VWF: variants seen among roughly 807,000 people sequenced by gnomAD.
The protein encoded by VWF is von Willebrand factor.
In VWF, 176 loss-of-function variants were observed where a neutral mutation model predicts 308.6. The observed-to-expected ratio is 0.57, with a 90% CI of 0.50 to 0.65. The LOEUF (loss-of-function observed/expected upper bound fraction) is 0.65. VWF is among the 30% of genes least tolerant of loss of function. VWF has a pLI of 0.00. For synonymous variants in VWF, 1,385 were observed against 1,443.4 expected (o/e 0.96, Z 0.92); for missense variants, 3,146 against 3,648.2 (o/e 0.86, Z 3.55).
chr12:5,949,758 C>A, intron 51 of VWF, 28 bp downstream of exon 51: 1 of 1,609,570 alleles, frequency 6.2e-7, no homozygotes, highest in Non-Finnish European at 8.5e-7. Context: ...CCCTCCACAC[C>A]CAGCCCTTAT....
At chr12:6,084,976 T>C (rs1446163698) in intron 6 of VWF, among the ~76,000 whole-genome samples, 1 of 152,200 alleles carries the variant, frequency 6.6e-6, no homozygotes, top group East Asian at 1.9e-4. Context: ...AACCTGTTGA[T>C]AGATTTCCAC....
At chr12:6,112,582 A>G (rs1392550820) in intron 3 of VWF, among the ~76,000 whole-genome samples, 1 of 152,184 alleles carries the variant, frequency 6.6e-6, no homozygotes, top group Non-Finnish European at 1.5e-5. Context: ...CTTAAAAATG[A>G]GCAAATCTCT....
chr12:6,031,662 G>A, intron 20 of VWF, 84 bp from the exon 21 acceptor site: 2 of 1,603,754 alleles, frequency 1.2e-6, no homozygotes, highest in Non-Finnish European at 1.7e-6. Flanking sequence ...TTCATCACAG[G>A]CCTTTGAGTA....
intron 5 of VWF, among the ~76,000 whole-genome samples, chr12:6,106,806 C>T (rs546123830): frequency 2.3e-5 from 3 of 130,042 alleles, no homozygotes; most frequent in South Asian, 5.2e-4. Context: ...GCCCGGGAGG[C>T]GGAGGTTGGA....
intron 10 of VWF, among the ~76,000 whole-genome samples, chr12:6,067,013 G>A (rs913601562): frequency 3.3e-5 from 5 of 152,204 alleles, no homozygotes; most frequent in African/African-American, 1.2e-4. Flanking sequence ...CAGCCCAGAG[G>A]AAATTAGGAG....
At chr12:5,998,240 T>C (rs1400134622) in intron 34 of VWF, among the ~76,000 whole-genome samples, 1 of 151,718 alleles carries the variant, frequency 6.6e-6, no homozygotes, top group African/African-American at 2.4e-5. Context: ...GGCTCATACC[T>C]GTAATCTCAG....
Position 6,121,273 on chromosome 12 carries a change from C to G in VWF, c.121G>C (p.Asp41His). 6.2e-7 allele frequency: 1 copy of G among 1,614,250 alleles called. No homozygotes were observed. The highest frequency in any genetic ancestry group is 1.1e-5 in the South Asian group (1 of 91,080). ...STARCSLFGS[D>H]FVNTFDGSMY... ...CTCCCATCAAAGGTGTTGACGAAGT[C>G]ACTTCCGAAAAGGCTGCATCGGGCC... The change falls in exon 3 of 52, where the codon GAC becomes CAC. Residue 41 changes from aspartate (D) to histidine (H), a missense_variant. Physicochemically the swap from Asp to His is moderately conservative, Grantham distance 81. This residue lies in a region of VWF where 1,304 missense variants were observed against 1,353.0 expected (regional missense o/e 0.96). Coordinates refer to ENST00000261405, the MANE Select transcript of VWF (RefSeq NM_000552.5).
chr12:5,961,498 G>A (rs1245540941), intron 47 of VWF, among the ~76,000 whole-genome samples: 2 of 149,490 alleles, frequency 1.3e-5, no homozygotes, highest in African/African-American at 4.9e-5. Context: ...AAAACAGAAT[G>A]TATAAAGATT....
intron 34 of VWF, among the ~76,000 whole-genome samples, chr12:6,003,918 C>A (rs1264390011): frequency 6.6e-6 from 1 of 151,162 alleles, no homozygotes; most frequent in East Asian, 1.9e-4. Context: ...CGGGTTCACG[C>A]CATTCTCCTG....
chr12:6,044,562 T>G, intron 17 of VWF, 111 bp from the exon 18 acceptor site: 1 of 1,397,330 alleles, frequency 7.2e-7, no homozygotes, highest in Non-Finnish European at 9.8e-7. Flanking sequence ...AGACTCAGAG[T>G]TGCCCACTCA....
At chr12:5,975,069 T>C (rs146010696) in intron 43 of VWF, among the ~76,000 whole-genome samples, 1 of 152,340 alleles carries the variant, frequency 6.6e-6, no homozygotes, top group East Asian at 1.9e-4. Context: ...CAAAACTTAG[T>C]GTTTCCCACA....
chr12:6,123,377 C>G (rs561334653), intron 1 of VWF, among the ~76,000 whole-genome samples, 181 bp from the exon 2 acceptor site: 2 of 152,332 alleles, frequency 1.3e-5, no homozygotes, highest in East Asian at 3.9e-4. Context: ...AACCCCTGGC[C>G]AGTGCCAGGC....
intron 47 of VWF, among the ~76,000 whole-genome samples, chr12:5,966,486 C>T (rs529839900): frequency 2.4e-4 from 37 of 152,344 alleles, no homozygotes; most frequent in African/African-American, 8.4e-4. Context: ...TAAGCCCATA[C>T]TTTGAGCATG....
Position 5,985,056 on chromosome 12 carries a change from T to A in VWF, c.6965A>T (p.Glu2322Val), listed in dbSNP as rs201792015. 1.6e-4 allele frequency: 261 copies of A among 1,614,008 alleles called. No individual in the cohort carries two copies. The highest frequency in any genetic ancestry group is 7.8e-4 in the Admixed American group (47 of 60,006). ...LRQNADQCCP[E>V]YECVCDPVSC... ...GGTGGGACACATACCACACTCATAC[T>A]CGGGGCAGCACTGGTCTGCATTCTG... is the stretch of plus-strand genomic sequence containing the variant. Residue 2322 changes from glutamate (E) to valine (V), a missense_variant, in exon 40 of 52, where the codon GAG becomes GTG. Coordinates refer to ENST00000261405, the MANE Select transcript of VWF (RefSeq NM_000552.5).
chr12:6,014,966 GA>G (rs1372464529), intron 31 of VWF, among the ~76,000 whole-genome samples: 2 of 152,184 alleles, frequency 1.3e-5, no homozygotes, highest in Non-Finnish European at 2.9e-5. Flanking sequence ...TACTGAAGGA[GA>G]AAAAATCTCC....
At position 6,023,743 on chromosome 12, in the gene VWF, G is replaced by A; in HGVS notation, c.3267C>T (p.Cys1089=). 1.9e-6 allele frequency: 3 copies of A among 1,613,564 alleles called. No homozygotes were observed. The highest frequency in any genetic ancestry group is 1.7e-6 in the Non-Finnish European group (2 of 1,180,016). The part of the protein sequence containing the change: ...PYLDVCIYDT[C]SCESIGDCAC... Reference sequence around the variant, plus strand: ...CGCAGTCCCCAATGGACTCACAGGAGCAGGTGTCGTAAATGCAGACATCCA... The same window carrying A: ...CGCAGTCCCCAATGGACTCACAGGAACAGGTGTCGTAAATGCAGACATCCA... The change falls in exon 25 of 52, where the codon TGC becomes TGT. Residue 1089 remains cysteine, a synonymous_variant. Transcript: ENST00000261405.
At chr12:5,987,208 G>A (rs1943689275) in intron 38 of VWF, among the ~76,000 whole-genome samples, 1 of 152,182 alleles carries the variant, frequency 6.6e-6, no homozygotes, top group African/African-American at 2.4e-5. Context: ...GATTACAGGT[G>A]TGAGCCACTA....
intron 31 of VWF, among the ~76,000 whole-genome samples, chr12:6,014,585 G>A (rs1944037269): frequency 6.6e-6 from 1 of 152,200 alleles, no homozygotes; most frequent in South Asian, 2.1e-4. Flanking sequence ...AGGATGCTGA[G>A]CTTTTTGAAC....
intron 10 of VWF, among the ~76,000 whole-genome samples, chr12:6,066,839 G>C (rs906850096): frequency 6.6e-6 from 1 of 152,242 alleles, no homozygotes; most frequent in African/African-American, 2.4e-5. Context: ...CCAGCCAGGG[G>C]CCAGGCTAGA....
Sources: allele counts gnomAD v4.1 joint callset (sites outside exome capture counted in the v4.1 genomes callset), GRCh38; gene constraint gnomAD v4.1.1; regional missense constraint gnomAD v4.1.1; transcripts MANE v1.5; gene names NCBI Gene and HGNC (gene_info 2026-07-23, HGNC 2026-07-21).